Variants in NAALADL2 observed in about 807,000 individuals in gnomAD.
The protein encoded by NAALADL2 is inactive N-acetylated-alpha-linked acidic dipeptidase-like protein 2.
Under a neutral mutation model 87.2 loss-of-function variants are expected in NAALADL2, and 76 were observed. That is an observed-to-expected ratio of 0.87 (90% CI 0.72 to 1.05). NAALADL2 has a LOEUF of 1.05. Ranked by LOEUF, NAALADL2 falls within the 50% of genes least tolerant of loss-of-function variation. The pLI, the probability that NAALADL2 is intolerant of heterozygous loss-of-function variation, is 0.00. For synonymous variants in NAALADL2, 354 were observed against 331.0 expected (o/e 1.07, Z -0.75); for missense variants, 1,089 against 945.8 (o/e 1.15, Z -1.99).
At chr3:175,478,179 A>G (rs1340094740) in intron 9 of NAALADL2, among the ~76,000 whole-genome samples, 1 of 151,902 alleles carries the variant, frequency 6.6e-6, no homozygotes, top group East Asian at 1.9e-4. Flanking sequence ...CTTATTTACC[A>G]TGAATTGCAA....
At chr3:175,790,734 T>G (rs1752681565) in intron 13 of NAALADL2, among the ~76,000 whole-genome samples, 1 of 152,246 alleles carries the variant, frequency 6.6e-6, no homozygotes, top group Non-Finnish European at 1.5e-5. Flanking sequence ...CACATATACT[T>G]GAACAACACT....
intron 1 of NAALADL2, among the ~76,000 whole-genome samples, chr3:174,982,635 C>T (rs1030071718): frequency 2.0e-5 from 3 of 152,096 alleles, no homozygotes; most frequent in African/African-American, 4.8e-5. Flanking sequence ...TACTATATAA[C>T]GTAAGTAAAT....
intron 10 of NAALADL2, among the ~76,000 whole-genome samples, chr3:175,608,821 T>G (rs1436465170): frequency 1.3e-5 from 2 of 152,172 alleles, no homozygotes; most frequent in African/African-American, 4.8e-5. Flanking sequence ...ATAATTGAAA[T>G]TGCAAATGTT....
chr3:175,084,418 TCTC>T (rs1260453248), intron 1 of NAALADL2, among the ~76,000 whole-genome samples: 2 of 152,212 alleles, frequency 1.3e-5, no homozygotes, highest in Admixed American at 6.5e-5. Flanking sequence ...CTCTGCTGCT[TCTC>T]CTCGTGGTCT....
chr3:175,235,867 A>C (rs1348485347), intron 3 of NAALADL2: 1 of 152,190 alleles, frequency 6.6e-6, no homozygotes, highest in Non-Finnish European at 1.5e-5. Flanking sequence ...TTATTTCCTT[A>C]GCATGGCCCT....
intron 1 of NAALADL2, among the ~76,000 whole-genome samples, chr3:174,484,164 G>A (rs998567080): frequency 4.7e-5 from 7 of 148,240 alleles, no homozygotes; most frequent in East Asian, 2.0e-4. Context: ...ATTTGCTGAC[G>A]GATTTAATGT....
chr3:174,955,734 T>C (rs1281440950), intron 1 of NAALADL2, among the ~76,000 whole-genome samples: 1 of 152,086 alleles, frequency 6.6e-6, no homozygotes, highest in African/African-American at 2.4e-5. Flanking sequence ...TTGTACAGTG[T>C]TTTTATAACT....
At chr3:175,625,919 A>G (rs1185654740) in intron 10 of NAALADL2, among the ~76,000 whole-genome samples, 2 of 152,038 alleles carry the variant, frequency 1.3e-5, no homozygotes, top group African/African-American at 2.4e-5. Context: ...TGTATCTTTG[A>G]GTGCCAACTA....
intron 1 of NAALADL2, among the ~76,000 whole-genome samples, chr3:174,523,066 C>G (rs948958178): frequency 1.3e-5 from 2 of 152,090 alleles, no homozygotes; most frequent in African/African-American, 4.8e-5. Flanking sequence ...TGGGCCCTCA[C>G]CAGATACCAG....
At chr3:174,456,895 A>T (rs554216984) in intron 1 of NAALADL2, among the ~76,000 whole-genome samples, 1 of 152,316 alleles carries the variant, frequency 6.6e-6, no homozygotes, top group African/African-American at 2.4e-5. Flanking sequence ...TCTATACAGC[A>T]AAAGAAACTA....
rs768992026 is a variant in NAALADL2 at position 175,363,787 on chromosome 3, A to G, written c.1090+39462A>G. Among the ~76,000 whole-genome samples, 16 of 148,244 alleles carry G rather than the reference A, an allele frequency of 1.1e-4. 2 individuals are homozygous for G. Among genetic ancestry groups the G allele is most frequent in the Non-Finnish European group, 1.8e-4 (12 of 66,550 alleles). On this transcript the variant is annotated intron_variant, in intron 5 of 13. Transcript: ENST00000454872. ...GTAACAAGTATCTCAGTCTGTAACT[A>G]GAATATTGCTTTGACTTTAACTCAA...
chr3:174,538,788 A>G (rs189345658), intron 1 of NAALADL2, among the ~76,000 whole-genome samples: 335 of 152,222 alleles, frequency 2.2e-3, no homozygotes, highest in African/African-American at 7.5e-3. Flanking sequence ...CTTTCAACCA[A>G]TTACCAATCA....
At chr3:175,667,743 G>GTTTTTTTTTTTTTTTTTTTTTT (rs58514374) in intron 11 of NAALADL2, among the ~76,000 whole-genome samples, 1 of 120,052 alleles carries the variant, frequency 8.3e-6, no homozygotes, top group African/African-American at 2.9e-5. Flanking sequence ...GTTTTTTGCT[G>GTTTTTTTTTTTTTTTTTTTTTT]TTTTTTTTTT....
At chr3:174,827,833 C>G (rs1245777071) in intron 3 of NAALADL2, among the ~76,000 whole-genome samples, 1 of 152,104 alleles carries the variant, frequency 6.6e-6, no homozygotes, top group Non-Finnish European at 1.5e-5. Context: ...ATTTTATATT[C>G]CAAAGCTTTT....
chr3:174,852,182 C>T (rs968005024), intron 3 of NAALADL2, among the ~76,000 whole-genome samples: 1 of 152,080 alleles, frequency 6.6e-6, no homozygotes, highest in East Asian at 1.9e-4. Context: ...TGCCCACTTT[C>T]ACTACTTTTA....
chr3:175,298,944 A>C (rs1756698288), intron 4 of NAALADL2, among the ~76,000 whole-genome samples: 1 of 152,208 alleles, frequency 6.6e-6, no homozygotes, highest in South Asian at 2.1e-4. Context: ...TTTAAGTGCA[A>C]GTAAAATGAA....
At chr3:175,617,397 T>C (rs551211461) in intron 10 of NAALADL2, among the ~76,000 whole-genome samples, 1 of 152,252 alleles carries the variant, frequency 6.6e-6, no homozygotes, top group African/African-American at 2.4e-5. Flanking sequence ...CTGTGACTTG[T>C]ATCTCGGGAA....
At position 174,770,300 on chromosome 3, in the gene NAALADL2, T is replaced by G. The variant is rs755413811; in HGVS notation, c.-9+32554T>G. Among the ~76,000 whole-genome samples, 92 of 152,350 alleles carry G rather than the reference T, an allele frequency of 6.0e-4. 2 individuals are homozygous for G. The highest frequency in any genetic ancestry group is 1.3e-3 in the Admixed American group (20 of 15,304). ...GATCTAATAGGTGACAAAAGTGATA[T>G]GTAACCAATTTTTATCAGAGTAAAC... On this transcript the variant is annotated intron_variant, in intron 3 of 3. Transcript: ENST00000434257.
intron 1 of NAALADL2, among the ~76,000 whole-genome samples, chr3:174,500,608 G>A (rs1024126237): frequency 9.2e-5 from 14 of 152,070 alleles, no homozygotes; most frequent in Admixed American, 9.2e-4. Flanking sequence ...AAATGCCTTT[G>A]TCATGTTGAG....
Sources: allele counts gnomAD v4.1 joint callset (sites outside exome capture counted in the v4.1 genomes callset), GRCh38; gene constraint gnomAD v4.1.1; transcripts MANE v1.5; gene names NCBI Gene and HGNC (gene_info 2026-07-23, HGNC 2026-07-21).